GABPB2: variants seen among roughly 807,000 people sequenced by gnomAD.
GABPB2 encodes the protein GA binding protein transcription factor subunit beta 2.
In GABPB2, 23 loss-of-function variants were observed where a neutral mutation model predicts 39.1. That is an observed-to-expected ratio of 0.59 (90% CI 0.42 to 0.83). The LOEUF is 0.83. Among genes scored for constraint, GABPB2 ranks in the 40% least tolerant of loss-of-function variants. GABPB2 has a pLI of 0.00. For missense variants in GABPB2, 467 were observed against 541.1 expected, an observed-to-expected ratio of 0.86 and a Z score of 1.36; for synonymous variants, 184 against 199.3, an observed-to-expected ratio of 0.92 and a Z score of 0.65.
intron 6 of GABPB2, 38 bp downstream of exon 6, chr1:151,103,713 T>C: frequency 1.5e-6 from 2 of 1,332,226 alleles, no homozygotes; most frequent in Non-Finnish European, 1.1e-6. Flanking sequence ...ATCACCACTT[T>C]TTCTTTTGTT....
chr1:151,086,071 C>T (rs905533894), intron 1 of GABPB2, among the ~76,000 whole-genome samples: 1 of 151,890 alleles, frequency 6.6e-6, no homozygotes, highest in Admixed American at 6.6e-5. Flanking sequence ...ATTGTGAATC[C>T]CCATCTCTAC....
At chr1:151,073,658 A>G (rs1676909968) in intron 1 of GABPB2, among the ~76,000 whole-genome samples, 1 of 152,146 alleles carries the variant, frequency 6.6e-6, no homozygotes, top group Non-Finnish European at 1.5e-5. Context: ...GCGGTGGCTC[A>G]TCCCCGTAAT....
chr1:151,118,497 G>C lies in GABPB2; in HGVS notation c.*241G>C, dbSNP rs116198067. 5.0e-3 allele frequency: 2,079 copies of C among 412,642 alleles called. 53 individuals are homozygous for C. The highest frequency in any genetic ancestry group is 0.038 in the African/African-American group (1,910 of 49,856). 25.6% of individuals were successfully genotyped at this position (412,642 alleles called of 1,614,324 possible). ...ACCAAATTTCTTAGCTCATATCATTGCTTTAAACATAGAAGTAAAAGAATA... is the reference window on the plus strand; with the variant it reads ...ACCAAATTTCTTAGCTCATATCATTCCTTTAAACATAGAAGTAAAAGAATA... On this transcript the variant is annotated 3_prime_UTR_variant, in exon 9 of 9. Coordinates refer to ENST00000368918, the MANE Select transcript of GABPB2 (RefSeq NM_144618.3).
In GABPB2 at chr1:151,124,830, C is replaced by T. The variant is rs1250978340; in HGVS notation, c.*6574C>T. ...ATTTTTTTTAAGTCTCTGATGCTGCCCTTTTTAAATTTTTGTCTTATTTTT... is the reference window on the plus strand; with the variant it reads ...ATTTTTTTTAAGTCTCTGATGCTGCTCTTTTTAAATTTTTGTCTTATTTTT... On this transcript the variant is annotated 3_prime_UTR_variant, in exon 9 of 9. Transcript: ENST00000368918. The T allele has an allele frequency of 6.6e-6, 1 of 151,954 alleles. No homozygotes were observed. The highest frequency in any genetic ancestry group is 2.4e-5 in the African/African-American group (1 of 41,362). 9.4% of individuals were successfully genotyped at this position (151,954 alleles called of 1,614,324 possible). A position where few individuals can be genotyped will look rare whatever the true frequency, so the allele number is the denominator to read the frequency against.
At chr1:151,090,681 A>G in intron 3 of GABPB2, 108 bp downstream of exon 3, 2 of 1,136,412 alleles carry the variant, frequency 1.8e-6, no homozygotes, top group East Asian at 4.7e-5. Flanking sequence ...TAAGTTTAGG[A>G]CAGTTATAGC....
chr1:151,105,786 T>A (rs781223484), intron 6 of GABPB2, among the ~76,000 whole-genome samples: 1 of 152,290 alleles, frequency 6.6e-6, no homozygotes, highest in Admixed American at 6.5e-5. Context: ...ATTATGGGCG[T>A]GAGCCACCAT....
At chr1:151,110,187 G>T (rs1680312391) in intron 7 of GABPB2, among the ~76,000 whole-genome samples, 1 of 151,530 alleles carries the variant, frequency 6.6e-6, no homozygotes, top group Admixed American at 6.6e-5. Flanking sequence ...TACAGACTGG[G>T]TCTTACTATG....
intron 1 of GABPB2, among the ~76,000 whole-genome samples, chr1:151,072,678 T>C (rs1452695513): frequency 6.6e-6 from 1 of 151,806 alleles, no homozygotes; most frequent in Non-Finnish European, 1.5e-5. Context: ...AAACCCCATT[T>C]CTACTAAAAA....
At position 151,107,158 on chromosome 1, in the gene GABPB2, A is replaced by G. The variant is rs751369138; in HGVS notation, c.858A>G (p.Gln286=). ...VTDGVPLGNI[Q]TSIPTGGIGQ... Reference sequence around the variant, plus strand: ...ATGGAGTCCCTCTGGGTAATATCCAAACTTCAATCCCTACTGGAGGCATTG... The same window carrying G: ...ATGGAGTCCCTCTGGGTAATATCCAGACTTCAATCCCTACTGGAGGCATTG... Residue 286 remains glutamine (Q), a synonymous_variant, in exon 7 of 9, where the codon CAA becomes CAG. Coordinates refer to ENST00000368918, the MANE Select transcript of GABPB2 (RefSeq NM_144618.3). 2 of 1,613,114 alleles carry G rather than the reference A, an allele frequency of 1.2e-6. No homozygotes were observed. The highest frequency in any genetic ancestry group is 2.7e-5 in the African/African-American group (2 of 74,890).
chr1:151,103,486 G>T (rs749926782), intron 5 of GABPB2, 76 bp from the exon 6 acceptor site: 105 of 919,480 alleles, frequency 1.1e-4, no homozygotes, highest in South Asian at 6.1e-4. Context: ...CTGAGGTTTT[G>T]ATTTAATAAG....
At position 151,122,388 on chromosome 1, in the gene GABPB2, T is replaced by A. The variant is rs1191523305; in HGVS notation, c.*4132T>A. On this transcript the variant is annotated 3_prime_UTR_variant, in exon 9 of 9. Transcript: ENST00000368918. ...TCAAATAATCTTTTCCTGTTTGCAA[T>A]GTTTTTATTTTTTCTGAGTCCCTTT... The A allele has an allele frequency of 1.3e-5, 2 of 152,200 alleles. No homozygotes were observed. The highest frequency in any genetic ancestry group is 2.9e-5 in the Non-Finnish European group (2 of 68,040). The allele number at this position is 152,200 out of a possible 1,614,324, so 9.4% of individuals were successfully genotyped here.
Position 151,118,432 on chromosome 1 carries a change from T to C in GABPB2, c.*176T>C, listed in dbSNP as rs1452218817. On this transcript the variant is annotated 3_prime_UTR_variant, in exon 9 of 9. Transcript: ENST00000368918. The stretch of plus-strand genomic sequence containing the variant: ...TGCAACTAGAAAATTCAAAGCCATA[T>C]TTAGGGAACATTTTTTCTGAGGGGC... 1 of 573,578 alleles carries C rather than the reference T, an allele frequency of 1.7e-6. No individual in the cohort carries two copies. The highest frequency in any genetic ancestry group is 2.9e-6 in the Non-Finnish European group (1 of 342,872). 35.5% of individuals were successfully genotyped at this position (573,578 alleles called of 1,614,324 possible).
At chr1:151,080,726 C>T (rs1677609065) in intron 1 of GABPB2, among the ~76,000 whole-genome samples, 1 of 149,260 alleles carries the variant, frequency 6.7e-6, no homozygotes, top group Non-Finnish European at 1.5e-5. Flanking sequence ...CGTGGCACCT[C>T]TAATCCCAGC....
intron 1 of GABPB2, among the ~76,000 whole-genome samples, chr1:151,080,693 C>G (rs587597061): frequency 2.0e-5 from 3 of 149,360 alleles, no homozygotes; most frequent in African/African-American, 7.3e-5. Flanking sequence ...ACTAAAAATA[C>G]AAGTATTAGC....
chr1:151,096,993 T>C (rs1003803814), intron 4 of GABPB2, among the ~76,000 whole-genome samples: 1 of 152,048 alleles, frequency 6.6e-6, no homozygotes, highest in Non-Finnish European at 1.5e-5. Flanking sequence ...CTTACCGCAA[T>C]CTTGGCCTCC....
chr1:151,090,525 C>A lies in GABPB2; in HGVS notation c.228C>A (p.His76Gln). The change falls in exon 3 of 9, where the codon CAC (histidine) becomes CAA (glutamine). Residue 76 changes from histidine to glutamine, a missense_variant. Physicochemically the swap from His to Gln is conservative, Grantham distance 24. Transcript: ENST00000368918. ...ARTKVDRTPL[H>Q]MAAADGHAHI... ...CTAAAGTAGACAGGACCCCCTTGCA[C>A]ATGGCTGCAGCCGATGGACATGCGC... 1 of 1,614,104 alleles carries A rather than the reference C, an allele frequency of 6.2e-7. No individual in the cohort carries two copies. Among genetic ancestry groups the A allele is most frequent in the Non-Finnish European group, 8.5e-7 (1 of 1,179,994 alleles).
At position 151,090,387 on chromosome 1, in the gene GABPB2, G is replaced by A. The variant is rs759456111; in HGVS notation, c.109-19G>A. 6 of 1,611,586 alleles carry A rather than the reference G, an allele frequency of 3.7e-6. No individual in the cohort carries two copies. The South Asian group carries it at 6.6e-5, about 18-fold the overall frequency. ...ACTCTGCACACAGTGGATATTCAAT[G>A]AGCATTATTTTTCCACAGCTTGGAA... On this transcript the variant is annotated intron_variant, in intron 2 of 8. Coordinates refer to ENST00000368918, the MANE Select transcript of GABPB2 (RefSeq NM_144618.3).
intron 1 of GABPB2, among the ~76,000 whole-genome samples, chr1:151,083,610 G>A (rs587669972): frequency 2.3e-4 from 35 of 151,596 alleles, no homozygotes; most frequent in Admixed American, 2.0e-3. Flanking sequence ...CTCCAGCCTG[G>A]GTGACAGGGC....
intron 6 of GABPB2, 141 bp downstream of exon 6, chr1:151,103,816 G>C: frequency 3.3e-6 from 2 of 597,888 alleles, no homozygotes; most frequent in African/African-American, 1.9e-5. Flanking sequence ...TGGCATCATT[G>C]AACATCAGAA....
Sources: gnomAD v4.1 joint callset for allele counts (sites outside exome capture counted in the v4.1 genomes callset) on GRCh38, gnomAD v4.1.1 for gene constraint, MANE v1.5 for transcripts, NCBI Gene and HGNC (gene_info 2026-07-23, HGNC 2026-07-21) for gene names.